The following MGAT5B variants were observed in gnomAD, a reference collection of about 807,000 sequenced individuals.
MGAT5B encodes N-acetylglucosaminyl-transferase Vb.
MGAT5B carries 54 observed loss-of-function variants against 95.1 expected under a neutral mutation model. The observed-to-expected ratio is 0.57, with a 90% CI of 0.46 to 0.71. MGAT5B has a LOEUF of 0.71. Ranked by LOEUF, MGAT5B falls within the 30% of genes least tolerant of loss-of-function variation. The probability of loss-of-function intolerance (pLI) is 0.00; values close to 1 mark genes in which losing one functional copy is unlikely to be tolerated. For synonymous variants in MGAT5B, 464 were observed against 451.0 expected, an observed-to-expected ratio of 1.03 and a Z score of -0.36; for missense variants, 935 against 1,088.6, an observed-to-expected ratio of 0.86 and a Z score of 1.99.
At chr17:76,899,045 T>C (rs547080463) in intron 3 of MGAT5B, among the ~76,000 whole-genome samples, 21 of 152,304 alleles carry the variant, frequency 1.4e-4, no homozygotes, top group African/African-American at 5.1e-4. Context: ...GTTCAGAAAG[T>C]GACCTGGCTC....
intron 3 of MGAT5B, among the ~76,000 whole-genome samples, chr17:76,886,830 G>A (rs1967647349): frequency 6.6e-6 from 1 of 152,132 alleles, no homozygotes; most frequent in African/African-American, 2.4e-5. Context: ...GATCACTTGA[G>A]GTCAGGAGTT....
intron 6 of MGAT5B, among the ~76,000 whole-genome samples, chr17:76,904,881 C>T (rs1226960674): frequency 6.6e-6 from 1 of 152,230 alleles, no homozygotes; most frequent in African/African-American, 2.4e-5. Flanking sequence ...GCTATGACCA[C>T]CACCCTCACT....
intron 15 of MGAT5B, among the ~76,000 whole-genome samples, chr17:76,946,035 G>A (rs1021961532): frequency 5.3e-5 from 8 of 151,828 alleles, no homozygotes; most frequent in African/African-American, 1.9e-4. Flanking sequence ...GCCTAAGAGG[G>A]TGGGTGGGCT....
chr17:76,884,963 C>A (rs1226082671), intron 3 of MGAT5B, among the ~76,000 whole-genome samples: 1 of 152,062 alleles, frequency 6.6e-6, no homozygotes, highest in Non-Finnish European at 1.5e-5. Context: ...GTCTCGAACT[C>A]CTGACCTCAG....
intron 3 of MGAT5B, among the ~76,000 whole-genome samples, chr17:76,897,322 T>C (rs1185031291): frequency 1.3e-5 from 2 of 152,170 alleles, no homozygotes; most frequent in Non-Finnish European, 2.9e-5. Context: ...ACAAACCAGA[T>C]GTCTTAAACC....
chr17:76,893,254 G>A (rs1447895285), intron 3 of MGAT5B, among the ~76,000 whole-genome samples: 1 of 152,074 alleles, frequency 6.6e-6, no homozygotes, highest in Non-Finnish European at 1.5e-5. Context: ...CCTGCGTTTG[G>A]TTCATCTGCG....
chr17:76,943,838 A>G (rs1259108660), intron 15 of MGAT5B: 1 of 152,248 alleles, frequency 6.6e-6, no homozygotes, highest in Non-Finnish European at 1.5e-5. Context: ...TCTGCAAGTC[A>G]TGTGGCCTTT....
rs76602094 is a variant in MGAT5B at position 76,884,207 on chromosome 17, C to T, written c.329+1909C>T. ...TTAAAGATTTAATTAAATCTTTACT[C>T]TCCCAGAGGAGGAAGCTTTAATCTC... On this transcript the variant is annotated intron_variant, in intron 3 of 17. Coordinates refer to ENST00000569840, the MANE Select transcript of MGAT5B (RefSeq NM_001199172.2). Among the ~76,000 whole-genome samples the T allele has an allele frequency of 3.8e-4, 58 of 152,286 alleles. No individual in the cohort carries two copies. In the East Asian group the frequency reaches 0.011, roughly 28 times the overall value.
chr17:76,882,982 G>T (rs1249892910), intron 3 of MGAT5B, among the ~76,000 whole-genome samples: 3 of 151,504 alleles, frequency 2.0e-5, no homozygotes, highest in Non-Finnish European at 4.4e-5. Flanking sequence ...AAAGTGCTGG[G>T]ATTACATCTT....
chr17:76,905,684 C>G lies in MGAT5B; in HGVS notation c.856-334C>G, dbSNP rs1968498521. On this transcript the variant is annotated intron_variant, in intron 7 of 17. Coordinates refer to ENST00000569840, the MANE Select transcript of MGAT5B (RefSeq NM_001199172.2). This position sits in a 1 kb window ranked among gnomAD's most constrained non-coding sequence, Gnocchi z 4.2. ...CTTCCCTCCTTCCTTCCCTCCCTCC[C>G]TCCCTCCACCCAGTAGATATTTACG... Among the ~76,000 whole-genome samples, 1 of 152,170 alleles carries G rather than the reference C, an allele frequency of 6.6e-6. No individual in the cohort carries two copies. Among genetic ancestry groups the G allele is most frequent in the Non-Finnish European group, 1.5e-5 (1 of 68,016 alleles).
In MGAT5B at chr17:76,935,425, T is replaced by A. The variant is rs1567822544; in HGVS notation, c.1428+2128T>A. ...CTGTAGAAGTGTGTTTAACTTTTTTTAAAAGTTATTACGAGGCTTTCAATT... is the reference window on the plus strand; with the variant it reads ...CTGTAGAAGTGTGTTTAACTTTTTTAAAAAGTTATTACGAGGCTTTCAATT... On this transcript the variant is annotated intron_variant, in intron 12 of 17. Coordinates refer to ENST00000569840, the MANE Select transcript of MGAT5B (RefSeq NM_001199172.2). Among the ~76,000 whole-genome samples, 1,372 of 151,392 alleles carry A rather than the reference T, an allele frequency of 9.1e-3. 19 individuals carry two copies. The highest frequency in any genetic ancestry group is 0.032 in the African/African-American group (1,323 of 41,330).
At chr17:76,937,481 G>A (rs1447338488) in intron 12 of MGAT5B, among the ~76,000 whole-genome samples, 4 of 151,950 alleles carry the variant, frequency 2.6e-5, no homozygotes, top group African/African-American at 9.7e-5. Flanking sequence ...GTGGGTGGAC[G>A]CATAGAGTTA....
intron 8 of MGAT5B, among the ~76,000 whole-genome samples, chr17:76,909,636 GTTTCTGCC>G (rs1264682826): frequency 6.6e-6 from 1 of 152,220 alleles, no homozygotes; most frequent in East Asian, 1.9e-4. Context: ...CAGCTACTCA[GTTTCTGCC>G]TTTCTTCGCT....
rs7220258 is a variant in MGAT5B at position 76,930,523 on chromosome 17, C to T, written c.1292-2122C>T. On this transcript the variant is annotated intron_variant, in intron 10 of 17. Transcript: ENST00000569840. The surrounding 1 kb of genome is among the most constrained non-coding windows in gnomAD (Gnocchi z 4.1). ...GGAAGGTAGATTAAATATCCTTGGA[C>T]TCAATAAACGGTTTATTCGGGATCC... 0.17 allele frequency among the ~76,000 whole-genome samples: 26,003 copies of T among 152,072 alleles called. 2,281 individuals carry two copies. Among genetic ancestry groups the T allele is most frequent in the Non-Finnish European group, 0.19 (13,123 of 67,988 alleles).
chr17:76,944,667 C>T (rs1366915490), intron 15 of MGAT5B, among the ~76,000 whole-genome samples: 1 of 152,188 alleles, frequency 6.6e-6, no homozygotes, highest in African/African-American at 2.4e-5. Flanking sequence ...TGAGAATACC[C>T]ACGCACAGTG....
At chr17:76,911,213 T>C (rs182730130) in intron 8 of MGAT5B, among the ~76,000 whole-genome samples, 462 of 152,302 alleles carry the variant, frequency 3.0e-3, no homozygotes, top group Middle Eastern at 0.02. Flanking sequence ...AGGTTGGGAA[T>C]TGGAAAAGCT....
At chr17:76,893,475 T>G (rs1303823561) in intron 3 of MGAT5B, among the ~76,000 whole-genome samples, 1 of 152,218 alleles carries the variant, frequency 6.6e-6, no homozygotes, top group African/African-American at 2.4e-5. Flanking sequence ...GTTCACAGCC[T>G]TCCTCTCTTA....
At chr17:76,904,768 C>T (rs1968458257) in intron 6 of MGAT5B, among the ~76,000 whole-genome samples, 2 of 152,186 alleles carry the variant, frequency 1.3e-5, no homozygotes, top group Admixed American at 6.5e-5. Flanking sequence ...CTTGTATGAT[C>T]GTATTTGACA....
chr17:76,948,855 C>T lies in MGAT5B; in HGVS notation c.*17C>T. ...TGTCTGTGAATCCGCCTCTGCCGCC[C>T]TGCCTGGCACCCACGCTGGCTCTCT... is the stretch of plus-strand genomic sequence containing the variant. On this transcript the variant is annotated 3_prime_UTR_variant, in exon 18 of 18. Transcript: ENST00000569840. 6.4e-7 allele frequency: 1 copy of T among 1,559,174 alleles called. No homozygotes were observed. Among genetic ancestry groups the T allele is most frequent in the Non-Finnish European group, 8.7e-7 (1 of 1,153,150 alleles).
Sources: gnomAD v4.1 joint callset for allele counts (sites outside exome capture counted in the v4.1 genomes callset) on GRCh38, gnomAD v4.1.1 for gene constraint, Gnocchi (gnomAD v3.1) non-coding constraint, MANE v1.5 for transcripts, NCBI Gene and HGNC (gene_info 2026-07-23, HGNC 2026-07-21) for gene names.